The following GHR variants were observed in gnomAD, a reference collection of about 807,000 sequenced individuals.
GHR encodes growth hormone receptor.
Under a neutral mutation model 67.1 loss-of-function variants are expected in GHR, and 35 were observed. The observed-to-expected ratio is 0.52, with a 90% confidence interval of 0.40 to 0.69. The LOEUF is 0.69. Ranked by LOEUF, GHR falls within the 30% of genes least tolerant of loss-of-function variation. GHR has a pLI of 0.00. For missense variants in GHR, 792 were observed against 764.6 expected (o/e 1.04, Z -0.42); for synonymous variants, 272 against 269.1 (o/e 1.01, Z -0.10).
chr5:42,577,144 C>T (rs1750790766), intron 2 of GHR, among the ~76,000 whole-genome samples: 1 of 152,206 alleles, frequency 6.6e-6, no homozygotes, highest in Non-Finnish European at 1.5e-5. Flanking sequence ...TGCCAGGGTA[C>T]TCTGTATGGA....
chr5:42,518,493 A>G (rs1175845951), intron 1 of GHR, among the ~76,000 whole-genome samples: 1 of 152,200 alleles, frequency 6.6e-6, no homozygotes, highest in East Asian at 1.9e-4. Context: ...CTCTAAAAGA[A>G]GTAAAAGTTT....
At position 42,513,503 on chromosome 5, in the gene GHR, A is replaced by G. The variant is rs555994590; in HGVS notation, c.-11-52361A>G. Among the ~76,000 whole-genome samples the G allele has an allele frequency of 8.5e-5, 13 of 152,266 alleles. No individual in the cohort carries two copies. The South Asian group carries it at 1.2e-3, about 15-fold the overall frequency. On this transcript the variant is annotated intron_variant, in intron 1 of 9. Transcript: ENST00000230882. ...TAGCAGCTCTGATAAAAGGCTTAGC[A>G]GGGGCCAGGCGCGGTACTGTACGTC... is the stretch of plus-strand genomic sequence containing the variant.
At chr5:42,586,788 G>T (rs1227441450) in intron 2 of GHR, among the ~76,000 whole-genome samples, 1 of 152,154 alleles carries the variant, frequency 6.6e-6, no homozygotes, top group African/African-American at 2.4e-5. Context: ...AATTACGTCT[G>T]AGCCAGAGGG....
rs765039830 is a variant in GHR at position 42,695,012 on chromosome 5, T to G, written c.362T>G (p.Ile121Ser). Residue 121 changes from isoleucine (I) to serine (S), a missense_variant, in exon 5 of 10, where the codon ATC becomes AGC. Ile to Ser is a moderately radical substitution (Grantham distance 142). Coordinates refer to ENST00000230882, the MANE Select transcript of GHR (RefSeq NM_000163.5). ...TACTTTAATTCATCGTTTACCTCCA[T>G]CTGGATACCTTATTGTATCAAGCTA... ...SCYFNSSFTS[I>S]WIPYCIKLTS... is the part of the protein sequence containing the mutation. 6.2e-6 allele frequency: 10 copies of G among 1,609,706 alleles called. No homozygotes were observed. The Admixed American group carries it at 1.0e-4, about 16-fold the overall frequency.
intron 8 of GHR, chr5:42,715,057 AT>A (rs757320474): frequency 3.7e-4 from 139 of 374,510 alleles, no homozygotes; most frequent in African/African-American, 3.0e-3. Context: ...AAGAAAACAT[AT>A]TACTTCTAAT....
chr5:42,608,167 T>C (rs186351323), intron 2 of GHR, among the ~76,000 whole-genome samples: 85 of 152,346 alleles, frequency 5.6e-4, no homozygotes, highest in Admixed American at 4.6e-3. Flanking sequence ...CAGGTTATTA[T>C]GCTATTAAGT....
chr5:42,484,644 C>G (rs1351863506), intron 1 of GHR, among the ~76,000 whole-genome samples: 2 of 152,224 alleles, frequency 1.3e-5, no homozygotes, highest in Non-Finnish European at 2.9e-5. Flanking sequence ...TCTGCTCACT[C>G]AGGTCCACTG....
rs1463225421 is a variant in GHR, at chr5:42,594,666, A to C, written c.70+28722A>C. 2.6e-5 allele frequency among the ~76,000 whole-genome samples: 4 copies of C among 152,276 alleles called. No homozygotes were observed. The East Asian group carries it at 7.7e-4, about 29-fold the overall frequency. ...ACTGTCACTTGTAAAACACTTTTCT[A>C]TACTTGGTAACCTACACAGAACAGC... On this transcript the variant is annotated intron_variant, in intron 2 of 9. Coordinates refer to ENST00000230882, the MANE Select transcript of GHR (RefSeq NM_000163.5).
intron 3 of GHR, among the ~76,000 whole-genome samples, chr5:42,684,403 A>G (rs1757036521): frequency 6.6e-6 from 1 of 152,224 alleles, no homozygotes; most frequent in African/African-American, 2.4e-5. Context: ...GTCTCCTCAG[A>G]TATACCAGCA....
intron 1 of GHR, among the ~76,000 whole-genome samples, chr5:42,496,556 A>G (rs1429337622): frequency 2.0e-5 from 3 of 152,118 alleles, no homozygotes. Context: ...AAGTTGGGGC[A>G]TCATTGTTTG....
chr5:42,694,240 T>A (rs1484282965), intron 4 of GHR, among the ~76,000 whole-genome samples: 1 of 152,186 alleles, frequency 6.6e-6, no homozygotes, highest in Non-Finnish European at 1.5e-5. Context: ...GCAGGAGGAA[T>A]TCCTTAGACA....
At chr5:42,623,286 A>G (rs1753547386) in intron 2 of GHR, among the ~76,000 whole-genome samples, 1 of 152,184 alleles carries the variant, frequency 6.6e-6, no homozygotes, top group Non-Finnish European at 1.5e-5. Context: ...GTAAGTAGGG[A>G]AAGTTCAACT....
chr5:42,651,468 A>G (rs928791054), intron 3 of GHR, among the ~76,000 whole-genome samples: 1 of 152,160 alleles, frequency 6.6e-6, no homozygotes, highest in South Asian at 2.1e-4. Flanking sequence ...CCCTACATGA[A>G]TAGGCATATA....
chr5:42,668,382 C>A (rs1483173382), intron 3 of GHR, among the ~76,000 whole-genome samples: 3 of 152,058 alleles, frequency 2.0e-5, no homozygotes, highest in Non-Finnish European at 4.4e-5. Context: ...TGGCTGTCAT[C>A]CTGTGCATTG....
rs1199689943 is a variant in GHR at position 42,510,258 on chromosome 5, G to A, written c.-11-55606G>A. Among the ~76,000 whole-genome samples, 8 of 152,202 alleles carry A rather than the reference G, an allele frequency of 5.3e-5. 1 individual carries two copies. The South Asian group carries it at 1.7e-3, about 32-fold the overall frequency. On this transcript the variant is annotated intron_variant, in intron 1 of 9. Coordinates refer to ENST00000230882, the MANE Select transcript of GHR (RefSeq NM_000163.5). The stretch of plus-strand genomic sequence containing the variant: ...TCCAAGCCACCATCCTCATTCACTT[G>A]GATTATTGCAAAGACCTTTACCTGT...
Position 42,517,877 on chromosome 5 carries a change from G to A in GHR, c.-11-47987G>A, listed in dbSNP as rs180740041. Among the ~76,000 whole-genome samples, 6 of 151,738 alleles carry A rather than the reference G, an allele frequency of 4.0e-5. No homozygotes were observed. In the East Asian group the frequency reaches 1.2e-3, roughly 29 times the overall value. The stretch of plus-strand genomic sequence containing the variant: ...GTGTTTTCTCTTGATGCTGTGCCCT[G>A]TCTGTTGCCATTGAGGGGTCTAAGG... On this transcript the variant is annotated intron_variant, in intron 1 of 9. Transcript: ENST00000230882.
intron 3 of GHR, among the ~76,000 whole-genome samples, chr5:42,665,767 GAAAA>G (rs1013443246): frequency 1.3e-5 from 2 of 150,848 alleles, no homozygotes; most frequent in African/African-American, 4.8e-5. Context: ...GAAAAAAAAA[GAAAA>G]AGAGGTTTAA....
intron 1 of GHR, among the ~76,000 whole-genome samples, chr5:42,528,623 G>C (rs1315211828): frequency 6.6e-6 from 1 of 152,194 alleles, no homozygotes; most frequent in Non-Finnish European, 1.5e-5. Context: ...CATAAACTTA[G>C]TTGATAAAGC....
chr5:42,679,903 T>C (rs1199543177), intron 3 of GHR, among the ~76,000 whole-genome samples: 1 of 152,122 alleles, frequency 6.6e-6, no homozygotes, highest in East Asian at 1.9e-4. Flanking sequence ...CTTGGAAAAA[T>C]AATGATGTTG....
Sources: allele counts gnomAD v4.1 joint callset (sites outside exome capture counted in the v4.1 genomes callset), GRCh38; gene constraint gnomAD v4.1.1; transcripts MANE v1.5; gene names NCBI Gene and HGNC (gene_info 2026-07-23, HGNC 2026-07-21).